KCNIP1: variants seen among roughly 807,000 people sequenced by gnomAD.
The protein encoded by KCNIP1 is potassium voltage-gated channel interacting protein 1.
KCNIP1 carries 18 observed loss-of-function variants against 33.0 expected under a neutral mutation model. That is an observed-to-expected ratio of 0.55 (90% CI 0.38 to 0.81). KCNIP1 has a LOEUF of 0.81. Among genes scored for constraint, KCNIP1 ranks in the 30% least tolerant of loss-of-function variants. The pLI is 0.00. For synonymous variants in KCNIP1, 93 were observed against 98.3 expected, an observed-to-expected ratio of 0.95 and a Z score of 0.32; for missense variants, 238 against 271.6, an observed-to-expected ratio of 0.88 and a Z score of 0.87.
intron 1 of KCNIP1, among the ~76,000 whole-genome samples, chr5:170,398,827 T>C (rs982752826): frequency 6.6e-6 from 1 of 152,158 alleles, no homozygotes; most frequent in Non-Finnish European, 1.5e-5. Flanking sequence ...CTGTAAACTT[T>C]CTTTGCTGAG....
intron 1 of KCNIP1, among the ~76,000 whole-genome samples, chr5:170,403,403 T>C (rs1221287636): frequency 6.6e-6 from 1 of 152,250 alleles, no homozygotes; most frequent in Non-Finnish European, 1.5e-5. Context: ...AAGCAGTGAC[T>C]TTCTTCTGAA....
At chr5:170,644,212 C>T (rs1760695113) in intron 1 of KCNIP1, among the ~76,000 whole-genome samples, 1 of 152,208 alleles carries the variant, frequency 6.6e-6, no homozygotes, top group African/African-American at 2.4e-5. Flanking sequence ...TCACCACACA[C>T]CTACGTGACC....
intron 1 of KCNIP1, among the ~76,000 whole-genome samples, chr5:170,568,648 TAAAAAAA>T (rs33992187): frequency 0.03 from 1,328 of 43,744 alleles, 71 homozygotes; most frequent in African/African-American, 0.08. Flanking sequence ...CCGTTTCTAC[TAAAAAAA>T]AAAAAAAAAA....
intron 1 of KCNIP1, among the ~76,000 whole-genome samples, chr5:170,565,016 C>T (rs1003153938): frequency 7.9e-5 from 12 of 152,076 alleles, no homozygotes; most frequent in African/African-American, 2.9e-4. Context: ...ATTTTACTTC[C>T]GTACATTTTA....
At chr5:170,415,764 T>A (rs1755312590) in intron 1 of KCNIP1, among the ~76,000 whole-genome samples, 1 of 152,084 alleles carries the variant, frequency 6.6e-6, no homozygotes, top group Non-Finnish European at 1.5e-5. Context: ...TATCTCTCTA[T>A]CCCTGGGGCC....
intron 1 of KCNIP1, among the ~76,000 whole-genome samples, chr5:170,692,161 G>T (rs1326334476): frequency 6.6e-6 from 1 of 152,126 alleles, no homozygotes; most frequent in Non-Finnish European, 1.5e-5. Flanking sequence ...TAACATGCGT[G>T]GGATTAAATA....
At chr5:170,392,214 A>G (rs1287308900) in intron 1 of KCNIP1, among the ~76,000 whole-genome samples, 1 of 152,134 alleles carries the variant, frequency 6.6e-6, no homozygotes, top group Non-Finnish European at 1.5e-5. Context: ...GGGAGAGAAC[A>G]AGCCTGCAGA....
rs940222026 is a variant in KCNIP1, at chr5:170,736,165, A to T, written c.*359A>T. ...GCCCCCAGCCCACTGCCTCCAAGTC[A>T]GGCAGACCTTGGTGAATCTGGAAGC... On this transcript the variant is annotated 3_prime_UTR_variant, in exon 8 of 8. Coordinates refer to ENST00000328939, the MANE Select transcript of KCNIP1 (RefSeq NM_014592.4). The T allele has an allele frequency of 9.4e-6, 2 of 212,530 alleles. No individual in the cohort carries two copies. Among genetic ancestry groups the T allele is most frequent in the Non-Finnish European group, 1.9e-5 (2 of 106,172 alleles). 13.2% of individuals were successfully genotyped at this position (212,530 alleles called of 1,614,324 possible).
Position 170,722,812 on chromosome 5 carries a change from A to T in KCNIP1, c.427A>T (p.Asn143Tyr). ...TGACATCAACAAGGACGGATACATA[A>T]ACAAAGAGGTAAGTGAGCTGGGGCC... ...LYDINKDGYI[N>Y]KEEMMDIVKA... Residue 143 changes from asparagine to tyrosine, a missense_variant, in exon 5 of 8, where the codon AAC becomes TAC. Coordinates refer to ENST00000328939, the MANE Select transcript of KCNIP1 (RefSeq NM_014592.4). 1 of 1,610,190 alleles carries T rather than the reference A, an allele frequency of 6.2e-7. No individual in the cohort carries two copies. The highest frequency in any genetic ancestry group is 2.2e-5 in the East Asian group (1 of 44,846).
intron 1 of KCNIP1, among the ~76,000 whole-genome samples, chr5:170,591,508 G>A (rs146387338): frequency 2.3e-4 from 35 of 152,266 alleles, no homozygotes; most frequent in African/African-American, 7.7e-4. Context: ...GTACCACCAA[G>A]TACCTTCACG....
chr5:170,470,299 TG>T (rs1756694105), intron 1 of KCNIP1, among the ~76,000 whole-genome samples: 1 of 152,112 alleles, frequency 6.6e-6, no homozygotes, highest in Non-Finnish European at 1.5e-5. Context: ...TTAGCCACTC[TG>T]GGCTTCCCTC....
At chr5:170,644,481 G>A (rs765737035) in intron 1 of KCNIP1, among the ~76,000 whole-genome samples, 13 of 152,210 alleles carry the variant, frequency 8.5e-5, no homozygotes, top group Non-Finnish European at 1.2e-4. Context: ...CTGGGCGGAG[G>A]AGCAGCCTGA....
intron 1 of KCNIP1, among the ~76,000 whole-genome samples, chr5:170,589,794 TGTGCGGTGCG>T (rs149120148): frequency 8.8e-6 from 1 of 113,164 alleles, no homozygotes; most frequent in African/African-American, 3.0e-5. Context: ...TGTGATGTGG[TGTGCGGTGCG>T]GTGCGGTGCG....
At chr5:170,592,783 A>C (rs35247432) in intron 1 of KCNIP1, among the ~76,000 whole-genome samples, 189 of 152,324 alleles carry the variant, frequency 1.2e-3, no homozygotes, top group African/African-American at 4.5e-3. Flanking sequence ...GATTGTTTAG[A>C]AGATTTGAGC....
intron 1 of KCNIP1, among the ~76,000 whole-genome samples, chr5:170,658,783 A>G (rs1158611406): frequency 2.0e-5 from 3 of 152,200 alleles, no homozygotes; most frequent in Admixed American, 6.5e-5. Flanking sequence ...AAATGACTCC[A>G]CCAGATTTGC....
At chr5:170,441,020 G>A (rs552963918) in intron 1 of KCNIP1, among the ~76,000 whole-genome samples, 198 of 152,208 alleles carry the variant, frequency 1.3e-3, no homozygotes, top group African/African-American at 4.4e-3. Flanking sequence ...GTCTGCCGTC[G>A]CCCTTTGTCA....
chr5:170,643,059 T>G (rs1171993550), intron 1 of KCNIP1, among the ~76,000 whole-genome samples: 1 of 152,200 alleles, frequency 6.6e-6, no homozygotes, highest in African/African-American at 2.4e-5. Context: ...GGAGACATTA[T>G]CCTAGATTAT....
At chr5:170,507,465 G>A (rs1754762854) in intron 1 of KCNIP1, among the ~76,000 whole-genome samples, 1 of 152,126 alleles carries the variant, frequency 6.6e-6, no homozygotes, top group Admixed American at 6.5e-5. Flanking sequence ...CCAGAGTAAG[G>A]CCATTTTCGA....
chr5:170,507,229 G>A (rs1479914919), intron 1 of KCNIP1, among the ~76,000 whole-genome samples: 1 of 152,158 alleles, frequency 6.6e-6, no homozygotes, highest in Non-Finnish European at 1.5e-5. Flanking sequence ...CTCCCTGCTG[G>A]GTTCAAATTC....
Sources: gnomAD v4.1 joint callset for allele counts (sites outside exome capture counted in the v4.1 genomes callset) on GRCh38, gnomAD v4.1.1 for gene constraint, MANE v1.5 for transcripts, NCBI Gene and HGNC (gene_info 2026-07-23, HGNC 2026-07-21) for gene names.